OR51B5: variants seen among roughly 807,000 people sequenced by gnomAD.
The protein encoded by OR51B5 is olfactory receptor family 51 subfamily B member 5, also known as olfactory receptor 51B5.
For synonymous variants in OR51B5, 186 were observed against 144.8 expected (o/e 1.28, Z -2.04); for missense variants, 456 against 374.6 (o/e 1.22, Z -1.79).
chr11:5,352,181 G>C (rs751325765), intron 1 of OR51B5: 7 of 1,614,108 alleles, frequency 4.3e-6, no homozygotes, highest in Non-Finnish European at 5.9e-6. Context: ...ACTGTCATGG[G>C]CATTGGTTCT....
At chr11:5,448,130 TC>T (rs1261986880) in intron 1 of OR51B5, among the ~76,000 whole-genome samples, 15 of 152,218 alleles carry the variant, frequency 9.9e-5, no homozygotes, top group African/African-American at 3.6e-4. Flanking sequence ...ACCTTCATAT[TC>T]CCTTTTTGTC....
At chr11:5,466,257 A>G (rs945404677) in intron 1 of OR51B5, among the ~76,000 whole-genome samples, 6 of 152,214 alleles carry the variant, frequency 3.9e-5, no homozygotes, top group African/African-American at 1.4e-4. Flanking sequence ...AAGTCTGTTA[A>G]TTAGGGAATT....
At chr11:5,381,893 T>C (rs1198731175) in intron 1 of OR51B5, among the ~76,000 whole-genome samples, 2 of 152,128 alleles carry the variant, frequency 1.3e-5, no homozygotes, top group African/African-American at 4.8e-5. Flanking sequence ...AGTAAGCAAA[T>C]ATTAGAGATC....
intron 1 of OR51B5, among the ~76,000 whole-genome samples, chr11:5,441,789 GACA>G (rs967400021): frequency 3.7e-4 from 57 of 152,232 alleles, no homozygotes; most frequent in African/African-American, 1.3e-3. Flanking sequence ...CATAATAGGA[GACA>G]ACATTAACAA....
At chr11:5,497,498 G>T (rs1851667009) in intron 1 of OR51B5, among the ~76,000 whole-genome samples, 1 of 152,144 alleles carries the variant, frequency 6.6e-6, no homozygotes, top group Non-Finnish European at 1.5e-5. Flanking sequence ...GCTCTCTAAG[G>T]TTGATTGGGA....
chr11:5,395,848 T>G (rs1849862183), intron 1 of OR51B5, among the ~76,000 whole-genome samples: 2 of 152,350 alleles, frequency 1.3e-5, no homozygotes, highest in Middle Eastern at 3.4e-3. Flanking sequence ...TGTCAGATTA[T>G]TTTTCAATCT....
chr11:5,455,597 GA>G (rs66912551), intron 1 of OR51B5: 6 of 85,412 alleles, frequency 7.0e-5, no homozygotes, highest in African/African-American at 2.3e-4. Flanking sequence ...GAGAGAAAGA[GA>G]AAAAGAGAAA....
intron 1 of OR51B5, among the ~76,000 whole-genome samples, chr11:5,460,647 G>C (rs773846934): frequency 6.6e-6 from 1 of 152,112 alleles, no homozygotes; most frequent in East Asian, 1.9e-4. Context: ...TAGGTAAGAC[G>C]ACACTCTGGC....
chr11:5,463,185 A>C (rs1851086028), intron 1 of OR51B5, among the ~76,000 whole-genome samples: 1 of 152,200 alleles, frequency 6.6e-6, no homozygotes, highest in South Asian at 2.1e-4. Flanking sequence ...ATAGGCAATT[A>C]ATTAGTTCAT....
At chr11:5,387,895 G>T (rs1849724159) in intron 1 of OR51B5, among the ~76,000 whole-genome samples, 1 of 147,394 alleles carries the variant, frequency 6.8e-6, no homozygotes. Context: ...ACCTTGCATT[G>T]CAGTATGTAT....
chr11:5,389,677 T>C (rs535884781), intron 1 of OR51B5: 1 of 1,613,678 alleles, frequency 6.2e-7, no homozygotes, highest in South Asian at 1.1e-5. Flanking sequence ...TGCCCACCAC[T>C]ATGGGGATCT....
At chr11:5,402,958 A>T in intron 1 of OR51B5, 1 of 471,328 alleles carries the variant, frequency 2.1e-6, no homozygotes. Flanking sequence ...GCTGCTGGCC[A>T]TGTCTTTGGA....
Position 5,373,691 on chromosome 11 carries a change from T to G in OR51B5, n.85-26781A>C, listed in dbSNP as rs1014442335. 2.6e-5 allele frequency among the ~76,000 whole-genome samples: 4 copies of G among 152,250 alleles called. No homozygotes were observed. In the East Asian group the frequency reaches 7.7e-4, roughly 29 times the overall value. On this transcript the variant is annotated intron_variant and non_coding_transcript_variant, in intron 1 of 4. Coordinates refer to the OR51B5 transcript ENST00000415970. ...CAGGAGATTATATCCTGCACATGGC[T>G]CCGAGGGTCCTACGCCCACGGAGTC...
intron 1 of OR51B5, among the ~76,000 whole-genome samples, chr11:5,494,689 A>G (rs1851623935): frequency 6.6e-6 from 1 of 152,202 alleles, no homozygotes; most frequent in South Asian, 2.1e-4. Context: ...TTCCCTTTTT[A>G]AGACTGTGTT....
chr11:5,364,994 T>C lies in OR51B5; in HGVS notation n.85-18084A>G, dbSNP rs115171514. On this transcript the variant is annotated intron_variant and non_coding_transcript_variant, in intron 1 of 4. Coordinates refer to the OR51B5 transcript ENST00000415970. ...AAGTAACAGAAGGCTACAAGGGGATTTCTCAAGTAACTGCTTCTTCTTGTC... is the reference window on the plus strand; with the variant it reads ...AAGTAACAGAAGGCTACAAGGGGATCTCTCAAGTAACTGCTTCTTCTTGTC... Among the ~76,000 whole-genome samples, 594 of 152,290 alleles carry C rather than the reference T, an allele frequency of 3.9e-3. 2 individuals are homozygous for C. Among genetic ancestry groups the C allele is most frequent in the African/African-American group, 0.01 (424 of 41,550 alleles).
intron 1 of OR51B5, among the ~76,000 whole-genome samples, chr11:5,475,241 A>G (rs940733551): frequency 5.3e-5 from 8 of 152,294 alleles, no homozygotes; most frequent in African/African-American, 1.9e-4. Context: ...TGCTATTTTC[A>G]TGATGATAAA....
At chr11:5,489,353 T>C (rs1436075935) in intron 1 of OR51B5, 1 of 1,613,948 alleles carries the variant, frequency 6.2e-7, no homozygotes, top group East Asian at 2.2e-5. Flanking sequence ...GATTCCATTC[T>C]CATTGCCATT....
rs144364570 is a variant in OR51B5, at chr11:5,373,434, G to C, written n.85-26524C>G. The stretch of plus-strand genomic sequence containing the variant: ...ACGGGTGATTTCTGCATTTCCATCT[G>C]AGGTATGGGGTTCATCTCGCTAGGG... On this transcript the variant is annotated intron_variant and non_coding_transcript_variant, in intron 1 of 4. Transcript: ENST00000415970. 2.9e-3 allele frequency among the ~76,000 whole-genome samples: 444 copies of C among 152,278 alleles called. 1 individual carries two copies. The highest frequency in any genetic ancestry group is 0.01 in the African/African-American group (420 of 41,548).
At chr11:5,489,522 C>G (rs560801681) in intron 1 of OR51B5, 64 of 1,613,948 alleles carry the variant, frequency 4.0e-5, no homozygotes, top group Non-Finnish European at 5.3e-5. Flanking sequence ...ACCACGAAGT[C>G]CCCAAGCATG....
Sources: allele counts gnomAD v4.1 joint callset (sites outside exome capture counted in the v4.1 genomes callset), GRCh38; gene constraint gnomAD v4.1.1; transcripts MANE v1.5; gene names NCBI Gene and HGNC (gene_info 2026-07-23, HGNC 2026-07-21).